Variants in PCDHA5 observed in about 807,000 individuals in gnomAD.
The protein encoded by PCDHA5 is protocadherin alpha 5.
Under a neutral mutation model 61.6 loss-of-function variants are expected in PCDHA5, and 43 were observed. The observed-to-expected ratio is 0.70, with a 90% CI of 0.55 to 0.90. The LOEUF is 0.90. Among genes scored for constraint, PCDHA5 ranks in the 40% least tolerant of loss-of-function variants. The pLI, the probability that PCDHA5 is intolerant of heterozygous loss-of-function variation, is 0.00. For missense variants in PCDHA5, 1,298 were observed against 1,222.7 expected, an observed-to-expected ratio of 1.06 and a Z score of -0.92; for synonymous variants, 627 against 543.9, an observed-to-expected ratio of 1.15 and a Z score of -2.13.
intron 1 of PCDHA5, among the ~76,000 whole-genome samples, chr5:140,955,517 C>T (rs1554221970): frequency 6.6e-6 from 1 of 152,154 alleles, no homozygotes; most frequent in African/African-American, 2.4e-5. Flanking sequence ...TGTTTGCTTT[C>T]CCTTCCACCA....
rs782703183 is a variant in PCDHA5 at position 140,882,765 on chromosome 5, C to A, written c.2352+58638C>A. On this transcript the variant is annotated intron_variant, in intron 1 of 3. Transcript: ENST00000529859. ...TCCGATGCAGATATTGGAGTAAACT[C>A]GGCATTGACCTACCGACTGGATCCC... 1.5e-5 allele frequency: 25 copies of A among 1,614,104 alleles called. No individual in the cohort carries two copies. In the South Asian group the frequency reaches 2.7e-4, roughly 18 times the overall value.
At chr5:141,005,352 GGAATGTCATA>G (rs1261780276) in intron 3 of PCDHA5, among the ~76,000 whole-genome samples, 2 of 152,178 alleles carry the variant, frequency 1.3e-5, no homozygotes, top group Non-Finnish European at 2.9e-5. Flanking sequence ...TGCTTGGCTA[GGAATGTCATA>G]GAATGCCTTT....
Position 141,010,878 on chromosome 5 carries a change from A to C in PCDHA5, c.*941A>C, listed in dbSNP as rs2098418656. 1.3e-5 allele frequency: 2 copies of C among 153,770 alleles called. No homozygotes were observed. Among genetic ancestry groups the C allele is most frequent in the South Asian group, 4.1e-4 (2 of 4,830 alleles). The allele number at this position is 153,770 out of a possible 1,614,324, so 9.5% of individuals were successfully genotyped here. ...GAAAGTCTATAGCTATAAATCTTTA[A>C]AGAGAAATATGAATACAATTCCCCT... On this transcript the variant is annotated 3_prime_UTR_variant, in exon 4 of 4. Transcript: ENST00000529859.
chr5:140,832,024 T>A (rs1396101344), intron 1 of PCDHA5, among the ~76,000 whole-genome samples: 1 of 152,254 alleles, frequency 6.6e-6, no homozygotes, highest in African/African-American at 2.4e-5. Flanking sequence ...AAAGATTGAA[T>A]TTTTGTTATT....
rs1582078645 is a variant in PCDHA5, at chr5:140,872,401, A to G, written c.2352+48274A>G. Among the ~76,000 whole-genome samples the G allele has an allele frequency of 2.0e-5, 3 of 152,246 alleles. No homozygotes were observed. In the East Asian group the frequency reaches 5.8e-4, roughly 29 times the overall value. ...CAGCTATTTGGGAGGCTGAGGCAGG[A>G]GAATTGCTTGAGCCCAAGAGTTCGA... On this transcript the variant is annotated intron_variant, in intron 1 of 3. Transcript: ENST00000529859.
intron 1 of PCDHA5, chr5:140,862,416 C>A: frequency 2.8e-6 from 1 of 351,276 alleles, no homozygotes; most frequent in South Asian, 2.2e-5. Flanking sequence ...TCAAAAGGCG[C>A]TGCCCAGAAA....
chr5:140,843,262 G>C (rs2150356218), intron 1 of PCDHA5: 1 of 1,596,090 alleles, frequency 6.3e-7, no homozygotes, highest in South Asian at 1.1e-5. Context: ...GCCACCGTCT[G>C]CTGGTCCTGG....
chr5:140,887,972 A>C (rs1169769147), intron 1 of PCDHA5, among the ~76,000 whole-genome samples: 1 of 152,114 alleles, frequency 6.6e-6, no homozygotes, highest in Non-Finnish European at 1.5e-5. Context: ...TCTCTTTTAA[A>C]ATTTATTTTA....
At chr5:140,998,522 A>G (rs2097818629) in intron 3 of PCDHA5, among the ~76,000 whole-genome samples, 1 of 151,980 alleles carries the variant, frequency 6.6e-6, no homozygotes, top group South Asian at 2.1e-4. Context: ...TATTATTCAT[A>G]TTTATATCCC....
chr5:140,827,904 G>A (rs2150149694), intron 1 of PCDHA5: 24 of 786,388 alleles, frequency 3.1e-5, no homozygotes, highest in Non-Finnish European at 3.9e-5. Context: ...TTTTGGAGCC[G>A]CATGATGTCG....
At chr5:140,944,124 G>T (rs922088265) in intron 1 of PCDHA5, among the ~76,000 whole-genome samples, 10 of 152,200 alleles carry the variant, frequency 6.6e-5, no homozygotes, top group Admixed American at 6.5e-4. Context: ...TACCAGAGAA[G>T]AAAAGGTTGA....
chr5:140,955,493 T>G (rs1554221955), intron 1 of PCDHA5, among the ~76,000 whole-genome samples: 1 of 152,190 alleles, frequency 6.6e-6, no homozygotes, highest in African/African-American at 2.4e-5. Flanking sequence ...CCTGCCACCA[T>G]GTGAAGAAAG....
chr5:140,869,089 C>T (rs141432478), intron 1 of PCDHA5: 5 of 1,588,880 alleles, frequency 3.1e-6, no homozygotes, highest in Non-Finnish European at 4.3e-6. Flanking sequence ...ATTTTGGAAG[C>T]CAATTTCGTA....
At chr5:140,941,150 G>T (rs894422349) in intron 1 of PCDHA5, among the ~76,000 whole-genome samples, 1 of 151,436 alleles carries the variant, frequency 6.6e-6, no homozygotes, top group Non-Finnish European at 1.5e-5. Context: ...TAGTTTGGAG[G>T]CCCCATAAGA....
At position 140,821,763 on chromosome 5, in the gene PCDHA5, G is replaced by T. The variant is rs1166758785; in HGVS notation, c.-13G>T. On this transcript the variant is annotated 5_prime_UTR_variant, in exon 1 of 4. Transcript: ENST00000529859. The stretch of plus-strand genomic sequence containing the variant: ...TGATGCAATAGAAAGCTCATAATTG[G>T]AACGAGATTGAGATGGTATATTCCC... 1.6e-5 allele frequency: 26 copies of T among 1,591,652 alleles called. No individual in the cohort carries two copies. The highest frequency in any genetic ancestry group is 2.2e-5 in the Non-Finnish European group (26 of 1,169,160).
At position 140,850,724 on chromosome 5, in the gene PCDHA5, C is replaced by A. The variant is rs2150495935; in HGVS notation, c.2352+26597C>A. On this transcript the variant is annotated intron_variant, in intron 1 of 3. Coordinates refer to ENST00000529859, the MANE Select transcript of PCDHA5 (RefSeq NM_018908.3). ...GCAAGCCGACGCTGGTGTGTTCTAG[C>A]GCGGTGGGGAGTTGGTCGTACTCGC... The A allele has an allele frequency of 5.0e-6, 8 of 1,597,668 alleles. No individual in the cohort carries two copies. In the East Asian group the frequency reaches 1.1e-4, roughly 22 times the overall value.
intron 1 of PCDHA5, among the ~76,000 whole-genome samples, chr5:140,957,202 A>G (rs75358038): frequency 1.8e-4 from 28 of 152,316 alleles, no homozygotes; most frequent in Non-Finnish European, 2.9e-4. Flanking sequence ...TGGGAATATA[A>G]ATAGGCACAA....
chr5:140,871,527 G>T lies in PCDHA5; in HGVS notation c.2352+47400G>T, dbSNP rs537927360. ...TTCTACAGATTCCACCTATCAGGAA[G>T]TGTATGTGAAATTATTTAAAATCCA... On this transcript the variant is annotated intron_variant, in intron 1 of 3. Transcript: ENST00000529859. 7 of 1,531,726 alleles carry T rather than the reference G, an allele frequency of 4.6e-6. No individual in the cohort carries two copies. The African/African-American group carries it at 9.7e-5, about 21-fold the overall frequency. The allele number at this position is 1,531,726 out of a possible 1,614,324, so 94.9% of individuals were successfully genotyped here.
At chr5:140,834,244 CT>C in intron 1 of PCDHA5, 1 of 863,716 alleles carries the variant, frequency 1.2e-6, no homozygotes, top group East Asian at 2.5e-5. Flanking sequence ...CCTTTTCGCA[CT>C]GGAAAGACGC....
Sources: allele counts gnomAD v4.1 joint callset (sites outside exome capture counted in the v4.1 genomes callset), GRCh38; gene constraint gnomAD v4.1.1; transcripts MANE v1.5; gene names NCBI Gene and HGNC (gene_info 2026-07-23, HGNC 2026-07-21).